The following TBCD variants were observed in gnomAD, a reference collection of about 807,000 sequenced individuals.
The protein encoded by TBCD is tubulin-specific chaperone D.
A neutral mutation model predicts 169.3 loss-of-function variants in TBCD; 105 were observed. The ratio of observed to expected loss-of-function variants is 0.62; its 90% CI spans 0.53 to 0.73. The LOEUF (loss-of-function observed/expected upper bound fraction) is 0.73. Among genes scored for constraint, TBCD ranks in the 30% least tolerant of loss-of-function variants. TBCD has a pLI of 0.00. For synonymous variants in TBCD, 700 were observed against 643.9 expected, an observed-to-expected ratio of 1.09 and a Z score of -1.32; for missense variants, 1,444 against 1,600.1, an observed-to-expected ratio of 0.90 and a Z score of 1.66.
At chr17:82,785,244 A>G (rs182056511) in intron 7 of TBCD, among the ~76,000 whole-genome samples, 2,555 of 90,858 alleles carry the variant, frequency 0.028, 144 homozygotes, top group South Asian at 0.099. Context: ...ACTGGATCCC[A>G]CCCATCGCAG....
intron 7 of TBCD, among the ~76,000 whole-genome samples, chr17:82,784,723 G>A (rs2049179271): frequency 1.3e-5 from 2 of 152,182 alleles, no homozygotes; most frequent in African/African-American, 4.8e-5. Context: ...TGTACAGACA[G>A]CCTCCCACAT....
At chr17:82,804,888 A>T (rs2050839664) in intron 9 of TBCD, among the ~76,000 whole-genome samples, 1 of 152,186 alleles carries the variant, frequency 6.6e-6, no homozygotes, top group African/African-American at 2.4e-5. Flanking sequence ...AGAGGGCTAG[A>T]GCTAGGATGA....
In TBCD at chr17:82,806,183, G is replaced by C. The variant is rs769108060; in HGVS notation, c.1087+172G>C. 1.3e-5 allele frequency among the ~76,000 whole-genome samples: 2 copies of C among 152,102 alleles called. No homozygotes were observed. The highest frequency in any genetic ancestry group is 2.9e-5 in the Non-Finnish European group (2 of 68,008). The stretch of plus-strand genomic sequence containing the variant: ...TCCTCTGGCTCCTGAACCCAGGCCT[G>C]TCCCTGACCATGGACAGTCTCTTCC... On this transcript the variant is annotated intron_variant, in intron 10 of 38. Coordinates refer to ENST00000355528, the MANE Select transcript of TBCD (RefSeq NM_005993.5). The surrounding 1 kb of genome is among the most constrained non-coding windows in gnomAD (Gnocchi z 5.1).
In TBCD at chr17:82,793,727, G is replaced by A. The variant is rs867927781; in HGVS notation, c.772-4030G>A. 5.3e-5 allele frequency among the ~76,000 whole-genome samples: 8 copies of A among 152,286 alleles called. No homozygotes were observed. In the East Asian group the frequency reaches 5.8e-4, roughly 11 times the overall value. The stretch of plus-strand genomic sequence containing the variant: ...GTTTTGGTGTTAAAGATCCTCTTCC[G>A]TGCCTGTCCTGTGGCCCCTCTGTGT... On this transcript the variant is annotated intron_variant, in intron 7 of 38. Coordinates refer to ENST00000355528, the MANE Select transcript of TBCD (RefSeq NM_005993.5).
intron 15 of TBCD, chr17:82,886,139 GC>G (rs1352482202): frequency 1.3e-5 from 2 of 152,178 alleles, no homozygotes; most frequent in Non-Finnish European, 2.9e-5. Context: ...AACTCTAGAC[GC>G]CCTGCATTGC....
intron 13 of TBCD, among the ~76,000 whole-genome samples, chr17:82,838,420 G>A (rs981267929): frequency 6.6e-6 from 1 of 152,132 alleles, no homozygotes; most frequent in African/African-American, 2.4e-5. Context: ...GGGTAACTAT[G>A]CTTGTCATGC....
At chr17:82,759,497 T>A (rs534582079) in intron 2 of TBCD, among the ~76,000 whole-genome samples, 79 of 151,462 alleles carry the variant, frequency 5.2e-4, no homozygotes, top group South Asian at 1.5e-3. Flanking sequence ...AAAAAAAAAA[T>A]TTTGTTTTTG....
chr17:82,821,274 G>A (rs2052393577), intron 13 of TBCD, among the ~76,000 whole-genome samples: 1 of 152,164 alleles, frequency 6.6e-6, no homozygotes, highest in African/African-American at 2.4e-5. Context: ...AACATTCCAT[G>A]TTAGTTTAAA....
At chr17:82,908,469 A>C (rs1041045762) in intron 21 of TBCD, 1 of 429,496 alleles carries the variant, frequency 2.3e-6, no homozygotes, top group Non-Finnish European at 4.7e-6. Flanking sequence ...TTGGTGTTAC[A>C]GGAGAATATA....
intron 13 of TBCD, chr17:82,830,096 G>C: frequency 1.2e-6 from 2 of 1,611,288 alleles, no homozygotes; most frequent in Non-Finnish European, 8.5e-7. Context: ...ACCTTGGAAG[G>C]CGTGTGTGTG....
Position 82,779,672 on chromosome 17 carries a change from G to A in TBCD, c.639-1917G>A, listed in dbSNP as rs115633514. Among the ~76,000 whole-genome samples, 1,159 of 152,324 alleles carry A rather than the reference G, an allele frequency of 7.6e-3. 14 individuals carry two copies. The highest frequency in any genetic ancestry group is 0.027 in the African/African-American group (1,117 of 41,566). On this transcript the variant is annotated intron_variant, in intron 6 of 38. Coordinates refer to ENST00000355528, the MANE Select transcript of TBCD (RefSeq NM_005993.5). The stretch of plus-strand genomic sequence containing the variant: ...CCTGAGAGGGCTTGTCCCCACGGAA[G>A]CATGGAGCCGGCTCTCGCGCAGGCC...
intron 13 of TBCD, among the ~76,000 whole-genome samples, chr17:82,862,246 G>A (rs1165020871): frequency 6.6e-6 from 1 of 152,198 alleles, no homozygotes; most frequent in Non-Finnish European, 1.5e-5. Context: ...TTATATTGTG[G>A]TGTGAGTTTA....
At chr17:82,872,630 G>A (rs1348363604) in intron 14 of TBCD, among the ~76,000 whole-genome samples, 3 of 152,112 alleles carry the variant, frequency 2.0e-5, no homozygotes, top group Non-Finnish European at 2.9e-5. Flanking sequence ...CCTGTAACTA[G>A]GAAGTGAAAG....
chr17:82,940,229 A>ACACACACATT (rs2063041005), intron 37 of TBCD, among the ~76,000 whole-genome samples: 10 of 145,560 alleles, frequency 6.9e-5, no homozygotes, highest in African/African-American at 2.4e-4. Flanking sequence ...GCGCACACAC[A>ACACACACATT]CACACACACA....
At chr17:82,837,247 G>A (rs1221204589) in intron 13 of TBCD, among the ~76,000 whole-genome samples, 1 of 152,188 alleles carries the variant, frequency 6.6e-6, no homozygotes, top group Non-Finnish European at 1.5e-5. Flanking sequence ...AACCAAACCC[G>A]ACGGCCAGTA....
intron 2 of TBCD, among the ~76,000 whole-genome samples, chr17:82,763,506 C>A (rs557498335): frequency 5.7e-4 from 86 of 152,102 alleles, no homozygotes; most frequent in Non-Finnish European, 1.0e-3. Context: ...TTTGGGAGGC[C>A]GAGGTGGGTG....
At chr17:82,846,700 A>G (rs1019801889) in intron 13 of TBCD, among the ~76,000 whole-genome samples, 1 of 152,138 alleles carries the variant, frequency 6.6e-6, no homozygotes, top group African/African-American at 2.4e-5. Flanking sequence ...ACCTCGGAGC[A>G]GCAGCCCAGG....
In TBCD at chr17:82,806,129, C is replaced by A. The variant is rs1004051640; in HGVS notation, c.1087+118C>A. Reference sequence around the variant, plus strand: ...TGCCGGCACTGTCTGGCCACCCGTCCCCTTCGCTGAGTGCACGGTCACTGC... The same window carrying A: ...TGCCGGCACTGTCTGGCCACCCGTCACCTTCGCTGAGTGCACGGTCACTGC... On this transcript the variant is annotated intron_variant, in intron 10 of 38. Transcript: ENST00000355528. The surrounding 1 kb of genome is among the most constrained non-coding windows in gnomAD (Gnocchi z 5.1). 2 of 1,404,986 alleles carry A rather than the reference C, an allele frequency of 1.4e-6. No homozygotes were observed. The highest frequency in any genetic ancestry group is 2.8e-5 in the African/African-American group (2 of 70,296). 87.0% of individuals were successfully genotyped at this position (1,404,986 alleles called of 1,614,324 possible).
Position 82,926,549 on chromosome 17 carries a change from C to CTG in TBCD, c.2471+58_2471+59insTG, listed in dbSNP as rs2061779202. 4 of 1,435,470 alleles carry CTG rather than the reference C, an allele frequency of 2.8e-6. No homozygotes were observed. The African/African-American group carries it at 5.6e-5, about 20-fold the overall frequency. The allele number at this position is 1,435,470 out of a possible 1,614,324, so 88.9% of individuals were successfully genotyped here. A position where few individuals can be genotyped will look rare whatever the true frequency, so the allele number is the denominator to read the frequency against. On this transcript the variant is annotated intron_variant, in intron 28 of 38. Coordinates refer to ENST00000355528, the MANE Select transcript of TBCD (RefSeq NM_005993.5). ...AGTCTCTGAAAGGCCAGCAGATGAA[C>CTG]GCTAAGGGGGATGTTTTTGCTCAGA...
Sources: allele counts gnomAD v4.1 joint callset (sites outside exome capture counted in the v4.1 genomes callset), GRCh38; gene constraint gnomAD v4.1.1; non-coding constraint Gnocchi (gnomAD v3.1); transcripts MANE v1.5; gene names NCBI Gene and HGNC (gene_info 2026-07-23, HGNC 2026-07-21).